The following COL26A1 variants were observed in gnomAD, a reference collection of about 807,000 sequenced individuals.
The protein encoded by COL26A1 is collagen type XXVI alpha 1 chain, also known as collagen alpha-1(XXVI) chain.
A neutral mutation model predicts 59.3 loss-of-function variants in COL26A1; 41 were observed. That is an observed-to-expected ratio of 0.69 (90% CI 0.54 to 0.90). The LOEUF is 0.90. Among genes scored for constraint, COL26A1 ranks in the 40% least tolerant of loss-of-function variants. COL26A1 has a pLI of 0.00. For synonymous variants in COL26A1, 266 were observed against 256.0 expected (o/e 1.04, Z -0.37); for missense variants, 612 against 602.3 (o/e 1.02, Z -0.17).
rs199834110 is a variant in COL26A1, at chr7:101,557,042, TGGAC to T, written c.1166-325_1166-322del. The stretch of plus-strand genomic sequence containing the variant: ...ATGGATGGATGGATGGATGGATGGA[TGGAC>T]GGGCAGGTAAATGAGTGAATGAATG... On this transcript the variant is annotated intron_variant, in intron 12 of 12. Coordinates refer to ENST00000313669, the MANE Select transcript of COL26A1 (RefSeq NM_001278563.3). 2.4e-3 allele frequency among the ~76,000 whole-genome samples: 173 copies of T among 71,728 alleles called. 1 individual carries two copies. Among genetic ancestry groups the T allele is most frequent in the African/African-American group, 6.2e-3 (150 of 24,058 alleles). 47.1% of individuals were successfully genotyped at this position (71,728 alleles called of 152,430 possible). A position where few individuals can be genotyped will look rare whatever the true frequency, so the allele number is the denominator to read the frequency against.
At chr7:101,511,154 G>A (rs927082436) in intron 3 of COL26A1, among the ~76,000 whole-genome samples, 37 of 151,862 alleles carry the variant, frequency 2.4e-4, no homozygotes, top group African/African-American at 2.4e-4. Context: ...CACCCGCCTC[G>A]GCCTCCCAAA....
intron 3 of COL26A1, among the ~76,000 whole-genome samples, chr7:101,451,389 AATTATAATTTAT>A (rs1005817342): frequency 2.0e-5 from 3 of 147,136 alleles, no homozygotes; most frequent in Admixed American, 1.4e-4. Context: ...GTTATATTTA[AATTATAATTTAT>A]ATTATATATA....
intron 1 of COL26A1, among the ~76,000 whole-genome samples, chr7:101,390,148 GTTTTTTTTTTTTTTTTTTT>G (rs60091954): frequency 1.4e-5 from 1 of 72,374 alleles, no homozygotes; most frequent in African/African-American, 5.0e-5. Flanking sequence ...CATGTTAAGG[GTTTTTTTTTTTTTTTTTTT>G]TTTTTTTTGA....
intron 6 of COL26A1, among the ~76,000 whole-genome samples, chr7:101,544,687 C>T (rs1795693312): frequency 6.6e-6 from 1 of 151,842 alleles, no homozygotes; most frequent in Admixed American, 6.6e-5. Context: ...TGCCTGCCAC[C>T]ATGCCTGGCT....
chr7:101,430,952 G>C (rs1193918501), intron 2 of COL26A1, among the ~76,000 whole-genome samples: 1 of 151,860 alleles, frequency 6.6e-6, no homozygotes, highest in Non-Finnish European at 1.5e-5. Flanking sequence ...CCACCACCAT[G>C]CCCGCTAATT....
chr7:101,489,749 CTTG>C (rs1310061724), intron 3 of COL26A1, among the ~76,000 whole-genome samples: 12 of 63,286 alleles, frequency 1.9e-4, no homozygotes, highest in South Asian at 1.4e-3. Flanking sequence ...CTCTTTCTTT[CTTG>C]TCTCTCTTTC....
chr7:101,520,079 C>G (rs963549497), intron 3 of COL26A1, among the ~76,000 whole-genome samples: 1 of 152,202 alleles, frequency 6.6e-6, no homozygotes, highest in Admixed American at 6.5e-5. Context: ...TTACCCTCAG[C>G]CTGCAGGGAG....
chr7:101,423,778 C>T (rs1792580742), intron 2 of COL26A1, among the ~76,000 whole-genome samples: 1 of 151,900 alleles, frequency 6.6e-6, no homozygotes, highest in Non-Finnish European at 1.5e-5. Flanking sequence ...TGTTCACTGA[C>T]TTTCCAGGGA....
chr7:101,480,880 C>G (rs1794141295), intron 3 of COL26A1, among the ~76,000 whole-genome samples: 2 of 152,090 alleles, frequency 1.3e-5, no homozygotes, highest in Non-Finnish European at 2.9e-5. Flanking sequence ...GTTAACTCAT[C>G]TTTGTCACAG....
intron 3 of COL26A1, among the ~76,000 whole-genome samples, chr7:101,458,330 C>T (rs547184394): frequency 8.5e-5 from 13 of 152,232 alleles, no homozygotes; most frequent in African/African-American, 2.6e-4. Flanking sequence ...TGTCTGTATT[C>T]CTCACCTGTG....
At chr7:101,505,150 G>A (rs1400416611) in intron 3 of COL26A1, among the ~76,000 whole-genome samples, 3 of 152,156 alleles carry the variant, frequency 2.0e-5, no homozygotes, top group Non-Finnish European at 4.4e-5. Context: ...ATGAATGCAC[G>A]TGGGTCTGGG....
At chr7:101,385,286 ATG>A (rs1311255345) in intron 1 of COL26A1, among the ~76,000 whole-genome samples, 15 of 149,854 alleles carry the variant, frequency 1.0e-4, no homozygotes, top group African/African-American at 3.7e-4. Flanking sequence ...TATATATAGT[ATG>A]TGTGTGTATA....
chr7:101,481,496 G>A (rs572171725), intron 3 of COL26A1, among the ~76,000 whole-genome samples: 8 of 150,466 alleles, frequency 5.3e-5, no homozygotes, highest in African/African-American at 1.2e-4. Context: ...CTGTCACCCC[G>A]GCTGGAGTGC....
intron 2 of COL26A1, among the ~76,000 whole-genome samples, chr7:101,427,319 T>A (rs1195696470): frequency 6.6e-6 from 1 of 151,698 alleles, no homozygotes; most frequent in Non-Finnish European, 1.5e-5. Context: ...CACTTCAGCC[T>A]CCTGAGTAGC....
chr7:101,445,763 G>T (rs1415945184), intron 2 of COL26A1, among the ~76,000 whole-genome samples: 20 of 144,716 alleles, frequency 1.4e-4, no homozygotes, highest in Non-Finnish European at 2.4e-4. Flanking sequence ...AAGAGAGTGA[G>T]GGGGCACCAG....
intron 1 of COL26A1, among the ~76,000 whole-genome samples, chr7:101,416,958 G>C (rs537595831): frequency 9.5e-6 from 1 of 105,022 alleles, no homozygotes; most frequent in African/African-American, 2.8e-5. Flanking sequence ...GCCCAGGCTG[G>C]TCTAAACTCC....
intron 2 of COL26A1, among the ~76,000 whole-genome samples, chr7:101,431,402 G>A (rs1184194514): frequency 6.6e-6 from 1 of 151,972 alleles, no homozygotes; most frequent in Non-Finnish European, 1.5e-5. Context: ...TGGGACTTTG[G>A]GCGTGTGCCA....
chr7:101,486,945 G>A (rs1323338270), intron 3 of COL26A1, among the ~76,000 whole-genome samples: 1 of 152,220 alleles, frequency 6.6e-6, no homozygotes, highest in African/African-American at 2.4e-5. Flanking sequence ...CATCAGACAG[G>A]CACCGGGAAC....
intron 3 of COL26A1, among the ~76,000 whole-genome samples, chr7:101,524,084 A>C (rs1209164585): frequency 6.6e-6 from 1 of 152,132 alleles, no homozygotes; most frequent in African/African-American, 2.4e-5. Context: ...AGCATGACCA[A>C]CATGGTGAAA....
Sources: allele counts gnomAD v4.1 joint callset (sites outside exome capture counted in the v4.1 genomes callset), GRCh38; gene constraint gnomAD v4.1.1; transcripts MANE v1.5; gene names NCBI Gene and HGNC (gene_info 2026-07-23, HGNC 2026-07-21).